MFSD8: variants seen among roughly 807,000 people sequenced by gnomAD.
MFSD8 encodes the protein major facilitator superfamily domain-containing protein 8.
A neutral mutation model predicts 66.4 loss-of-function variants in MFSD8; 55 were observed. That is an observed-to-expected ratio of 0.83 (90% confidence interval 0.67 to 1.04). The LOEUF (loss-of-function observed/expected upper bound fraction) is 1.04, where lower values mean the gene tolerates loss of function less well. Ranked by LOEUF, MFSD8 falls within the 50% of genes least tolerant of loss-of-function variation. The pLI is 0.00. For synonymous variants in MFSD8, 202 were observed against 212.8 expected (o/e 0.95, Z 0.44); for missense variants, 550 against 627.6 (o/e 0.88, Z 1.32).
At chr4:127,943,301 G>A in intron 4 of MFSD8, 1 of 197,424 alleles carries the variant, frequency 5.1e-6, no homozygotes, top group South Asian at 9.0e-5. Context: ...AGACATGTCA[G>A]AGAAGAAAAA....
At chr4:127,959,630 C>T (rs868704344) in intron 1 of MFSD8, among the ~76,000 whole-genome samples, 4 of 151,956 alleles carry the variant, frequency 2.6e-5, no homozygotes, top group African/African-American at 7.3e-5. Flanking sequence ...AAAAGAGGTG[C>T]GTGTGGGTGT....
At chr4:127,931,193 T>C (rs552610577) in intron 8 of MFSD8, among the ~76,000 whole-genome samples, 1 of 152,304 alleles carries the variant, frequency 6.6e-6, no homozygotes, top group East Asian at 1.9e-4. Flanking sequence ...TGCAATAATG[T>C]TATATTAAGT....
intron 7 of MFSD8, among the ~76,000 whole-genome samples, chr4:127,936,674 ATTTTTT>A (rs1171888390): frequency 6.6e-6 from 1 of 151,654 alleles, no homozygotes; most frequent in Non-Finnish European, 1.5e-5. Context: ...TCTGTGTTTT[ATTTTTT>A]ATTATAAATT....
chr4:127,938,869 A>G, intron 6 of MFSD8, 31 bp from the exon 7 acceptor site: 6 of 1,539,590 alleles, frequency 3.9e-6, no homozygotes, highest in Non-Finnish European at 5.4e-6. Flanking sequence ...TATTGTACCT[A>G]TAAAATGCTT....
At chr4:127,960,301 G>A (rs142998937) in intron 1 of MFSD8, among the ~76,000 whole-genome samples, 75 of 152,300 alleles carry the variant, frequency 4.9e-4, no homozygotes, top group African/African-American at 1.7e-3. Context: ...GGCCAAAGCC[G>A]GGCAGACTGC....
At chr4:127,931,332 C>T in intron 8 of MFSD8, among the ~76,000 whole-genome samples, 1 of 152,074 alleles carries the variant, frequency 6.6e-6, no homozygotes, top group East Asian at 1.9e-4. Context: ...TAACTGACTA[C>T]AAAATGCAAT....
At position 127,921,408 on chromosome 4, in the gene MFSD8, G is replaced by T. The variant is rs1002758505; in HGVS notation, c.1350+116C>A. On this transcript the variant is annotated intron_variant, in intron 11 of 11. Transcript: ENST00000641686. ...GGGATTTTTAAAAATTTTAAATGCT[G>T]AATATGATAAAAATCCCTCAAATCA... 8 of 1,535,152 alleles carry T rather than the reference G, an allele frequency of 5.2e-6. No homozygotes were observed. The African/African-American group carries it at 6.9e-5, about 13-fold the overall frequency.
intron 7 of MFSD8, among the ~76,000 whole-genome samples, chr4:127,937,941 G>A (rs879906471): frequency 8.6e-5 from 13 of 151,976 alleles, no homozygotes; most frequent in Non-Finnish European, 1.6e-4. Flanking sequence ...CATTCTTTCC[G>A]CAAGGAGGAT....
intron 1 of MFSD8, among the ~76,000 whole-genome samples, chr4:127,963,270 G>A (rs766625297): frequency 1.3e-5 from 2 of 152,184 alleles, no homozygotes; most frequent in Non-Finnish European, 2.9e-5. Flanking sequence ...TACTAAGACC[G>A]ATACCTTCAA....
chr4:127,952,309 C>A (rs962956557), intron 2 of MFSD8, among the ~76,000 whole-genome samples: 8 of 151,790 alleles, frequency 5.3e-5, no homozygotes, highest in Non-Finnish European at 1.0e-4. Flanking sequence ...GAGGTTGAGG[C>A]AGGAGAATGG....
intron 9 of MFSD8, 54 bp downstream of exon 9, chr4:127,930,629 G>A: frequency 6.3e-7 from 1 of 1,597,638 alleles, no homozygotes; most frequent in Non-Finnish European, 8.6e-7. Flanking sequence ...TGTTAGCTCT[G>A]TTTTTTGTTT....
At chr4:127,939,424 A>C (rs1031217296) in intron 6 of MFSD8, 1 of 163,086 alleles carries the variant, frequency 6.1e-6, no homozygotes, top group Non-Finnish European at 1.3e-5. Context: ...TCAGGAGTTC[A>C]AGATCAGCCT....
intron 9 of MFSD8, among the ~76,000 whole-genome samples, chr4:127,923,555 A>ATTT (rs201245813): frequency 1.1e-5 from 1 of 89,650 alleles, no homozygotes; most frequent in Non-Finnish European, 2.3e-5. Context: ...ATTTTTATTT[A>ATTT]TTATTATTAT....
Position 127,965,095 on chromosome 4 carries a change from G to A in MFSD8, c.39C>T (p.Leu13=), listed in dbSNP as rs1456015788. The A allele has an allele frequency of 1.2e-6, 2 of 1,613,838 alleles. No individual in the cohort carries two copies. Among genetic ancestry groups the A allele is most frequent in the South Asian group, 1.1e-5 (1 of 91,058 alleles). The change falls in exon 1 of 12, where the codon CTC becomes CTT. Residue 13 remains leucine (L), a synonymous_variant. Coordinates refer to ENST00000641686, the MANE Select transcript of MFSD8 (RefSeq NM_001371596.2). ...GLRNESEQEP[L]LGDTPGSREW... ...ACCTGCTTCCAGGTGTGTCGCCTAAGAGCGGCTCCTGTTCACTTTCGTTCC... is the reference window on the plus strand; with the variant it reads ...ACCTGCTTCCAGGTGTGTCGCCTAAAAGCGGCTCCTGTTCACTTTCGTTCC...
chr4:127,957,596 G>A lies in MFSD8; in HGVS notation c.63-4C>T, dbSNP rs764964269. ...AGTCTCTAAAATGTCCCATTCTCTA[G>A]GTGTAAAGAAGAAAAAAGTAGTATA... On this transcript the variant is annotated splice_polypyrimidine_tract_variant and splice_region_variant and intron_variant, in intron 1 of 11. Coordinates refer to ENST00000641686, the MANE Select transcript of MFSD8 (RefSeq NM_001371596.2). 3.6e-5 allele frequency: 58 copies of A among 1,596,374 alleles called. No individual in the cohort carries two copies. Among genetic ancestry groups the A allele is most frequent in the Non-Finnish European group, 4.6e-5 (54 of 1,166,170 alleles).
At chr4:127,960,565 A>G (rs1743577300) in intron 1 of MFSD8, among the ~76,000 whole-genome samples, 1 of 152,158 alleles carries the variant, frequency 6.6e-6, no homozygotes, top group African/African-American at 2.4e-5. Context: ...AAAAGAAAGA[A>G]GTGTGTGCTC....
Position 127,943,800 on chromosome 4 carries a change from T to C in MFSD8, c.391A>G (p.Asn131Asp). 1 of 1,614,144 alleles carries C rather than the reference T, an allele frequency of 6.2e-7. No homozygotes were observed. Among genetic ancestry groups the C allele is most frequent in the South Asian group, 1.1e-5 (1 of 91,076 alleles). ...CGAGCAACCAGCATGTAGTATTTATTATGAGAAGCTGGGATGTGGAGATAT... is the reference window on the plus strand; with the variant it reads ...CGAGCAACCAGCATGTAGTATTTATCATGAGAAGCTGGGATGTGGAGATAT... ...YAYLHIPASH[N>D]KYYMLVARGL... Residue 131 changes from asparagine (N) to aspartate (D), a missense_variant, in exon 4 of 12, where the codon AAT becomes GAT. Coordinates refer to ENST00000641686, the MANE Select transcript of MFSD8 (RefSeq NM_001371596.2).
chr4:127,943,725 C>A (rs530308987), intron 4 of MFSD8, 27 bp downstream of exon 4: 1 of 1,613,826 alleles, frequency 6.2e-7, no homozygotes. Context: ...GAATATGACA[C>A]AACCAAACAT....
rs189321020 is a variant in MFSD8, at chr4:127,917,941, A to G, written c.*2689T>C. 454 of 152,370 alleles carry G rather than the reference A, an allele frequency of 3.0e-3. 4 individuals carry two copies. Among genetic ancestry groups the G allele is most frequent in the African/African-American group, 0.011 (437 of 41,586 alleles). 9.4% of individuals were successfully genotyped at this position (152,370 alleles called of 1,614,324 possible). A position where few individuals can be genotyped will look rare whatever the true frequency, so the allele number is the denominator to read the frequency against. ...TCAAAATAAGTTAATCTATTCTTAA[A>G]CAGATGCAGGTAAGTAGTTTATCCT... On this transcript the variant is annotated 3_prime_UTR_variant, in exon 12 of 12. Coordinates refer to ENST00000641686, the MANE Select transcript of MFSD8 (RefSeq NM_001371596.2).
Sources: allele counts gnomAD v4.1 joint callset (sites outside exome capture counted in the v4.1 genomes callset), GRCh38; gene constraint gnomAD v4.1.1; transcripts MANE v1.5; gene names NCBI Gene and HGNC (gene_info 2026-07-23, HGNC 2026-07-21).